SYNE2: variants seen among roughly 807,000 people sequenced by gnomAD.
The protein encoded by SYNE2 is nesprin-2.
SYNE2 carries 431 observed loss-of-function variants against 856.3 expected under a neutral mutation model. The ratio of observed to expected loss-of-function variants is 0.50; its 90% CI spans 0.47 to 0.55. The LOEUF (loss-of-function observed/expected upper bound fraction) is 0.55, where lower values mean the gene tolerates loss of function less well. SYNE2 is among the 20% of genes least tolerant of loss of function. SYNE2 has a pLI of 0.00. For missense variants in SYNE2, 8,129 were observed against 8,023.2 expected (o/e 1.01, Z -0.50); for synonymous variants, 2,923 against 2,872.3 (o/e 1.02, Z -0.56).
intron 19 of SYNE2, among the ~76,000 whole-genome samples, chr14:63,989,118 T>G (rs2096647926): frequency 6.6e-6 from 1 of 152,252 alleles, no homozygotes; most frequent in Non-Finnish European, 1.5e-5. Flanking sequence ...TCTTAGATTT[T>G]CAAAATTTTC....
intron 69 of SYNE2, 41 bp from the exon 70 acceptor site, chr14:64,122,245 A>C (rs773973735): frequency 6.2e-7 from 1 of 1,614,184 alleles, no homozygotes; most frequent in East Asian, 2.2e-5. Context: ...CAAAATGTTT[A>C]GTGTTGATTA....
At chr14:64,193,270 C>T (rs1419790456) in intron 99 of SYNE2, among the ~76,000 whole-genome samples, 1 of 152,180 alleles carries the variant, frequency 6.6e-6, no homozygotes, top group East Asian at 1.9e-4. Context: ...ATAAGATCGG[C>T]CAGGCATAGC....
chr14:64,144,434 TA>T, intron 83 of SYNE2, among the ~76,000 whole-genome samples: 1 of 152,246 alleles, frequency 6.6e-6, no homozygotes, highest in Non-Finnish European at 1.5e-5. Flanking sequence ...TTGGTGTGTT[TA>T]CTGTGTAGAG....
chr14:64,128,654 G>A, intron 74 of SYNE2, 101 bp downstream of exon 74: 1 of 763,576 alleles, frequency 1.3e-6, no homozygotes, highest in South Asian at 1.4e-5. Flanking sequence ...GCAGCAGCAA[G>A]GCTTAAGTAA....
chr14:64,017,610 G>A lies in SYNE2; in HGVS notation c.4903G>A (p.Glu1635Lys). 1 of 1,612,226 alleles carries A rather than the reference G, an allele frequency of 6.2e-7. No individual in the cohort carries two copies. Among genetic ancestry groups the A allele is most frequent in the Non-Finnish European group, 8.5e-7 (1 of 1,178,886 alleles). Reference sequence around the variant, plus strand: ...ATTATGGTAGATAAATGAGAAGACAGAAGATTACTATGAAAATCTTGGTCG... The same window carrying A: ...ATTATGGTAGATAAATGAGAAGACAAAAGATTACTATGAAAATCTTGGTCG... ...DRWLDINEKT[E>K]DYYENLGRAL... The change falls in exon 34 of 116, where the codon GAA becomes AAA. Residue 1635 changes from glutamate (E) to lysine (K), a missense_variant. Physicochemically the swap from Glu to Lys is moderately conservative, Grantham distance 56. This residue lies in a region of SYNE2 where 2,422 missense variants were observed against 2,357.4 expected (regional missense o/e 1.03). Transcript: ENST00000555002.
At chr14:64,206,450 C>G (rs976536657) in intron 100 of SYNE2, among the ~76,000 whole-genome samples, 5 of 151,396 alleles carry the variant, frequency 3.3e-5, no homozygotes, top group Non-Finnish European at 5.9e-5. Flanking sequence ...TAGTCTATCA[C>G]TTTATTTATT....
At chr14:64,082,003 G>A (rs751178163) in intron 57 of SYNE2, among the ~76,000 whole-genome samples, 23 of 151,800 alleles carry the variant, frequency 1.5e-4, no homozygotes, top group Non-Finnish European at 2.2e-4. Context: ...GGAGAATGGC[G>A]TGAACCCAGG....
chr14:64,033,036 C>T (rs2097053830), intron 45 of SYNE2, among the ~76,000 whole-genome samples: 1 of 151,962 alleles, frequency 6.6e-6, no homozygotes, highest in African/African-American at 2.4e-5. Flanking sequence ...GGCATGGTGG[C>T]TTGTGCCTGT....
chr14:64,214,007 C>T, intron 105 of SYNE2, 187 bp from the exon 106 acceptor site: 1 of 784,358 alleles, frequency 1.3e-6, no homozygotes. Context: ...ATTTTAGGCC[C>T]CACTCCAGAT....
intron 99 of SYNE2, among the ~76,000 whole-genome samples, chr14:64,199,213 C>T (rs1168666437): frequency 1.3e-5 from 2 of 152,196 alleles, no homozygotes; most frequent in African/African-American, 4.8e-5. Context: ...TGTTCTCTGA[C>T]TGCAGCAAAA....
chr14:64,045,956 AT>A (rs1266114198), intron 45 of SYNE2, among the ~76,000 whole-genome samples: 1 of 152,224 alleles, frequency 6.6e-6, no homozygotes, highest in African/African-American at 2.4e-5. Flanking sequence ...TCTAGACAGT[AT>A]TTTTAAGACA....
At chr14:63,973,949 A>T (rs2096505118) in intron 11 of SYNE2, among the ~76,000 whole-genome samples, 1 of 152,098 alleles carries the variant, frequency 6.6e-6, no homozygotes, top group Admixed American at 6.5e-5. Flanking sequence ...AAAAAACAAT[A>T]GAACTCAACT....
At chr14:63,883,866 T>C (rs1290140044) in intron 1 of SYNE2, among the ~76,000 whole-genome samples, 1 of 151,360 alleles carries the variant, frequency 6.6e-6, no homozygotes, top group Non-Finnish European at 1.5e-5. Context: ...TGGTGAATTT[T>C]TTTTTTTTTT....
intron 100 of SYNE2, among the ~76,000 whole-genome samples, chr14:64,205,766 C>G (rs1381646141): frequency 6.6e-6 from 1 of 152,108 alleles, no homozygotes. Flanking sequence ...ACACTTAAAT[C>G]ACGAACCACT....
Position 63,925,989 on chromosome 14 carries a change from G to A in SYNE2, c.80-14625G>A, listed in dbSNP as rs540824849. 4.6e-5 allele frequency among the ~76,000 whole-genome samples: 7 copies of A among 151,990 alleles called. No individual in the cohort carries two copies. The South Asian group carries it at 1.0e-3, about 23-fold the overall frequency. On this transcript the variant is annotated intron_variant, in intron 2 of 115. Coordinates refer to ENST00000555002, the MANE Select transcript of SYNE2 (RefSeq NM_182914.3). ...CCACCTCAGCCCCCCAAACAGGTGCGCGCCATGACACCTGGCTAATTTTTC... is the reference window on the plus strand; with the variant it reads ...CCACCTCAGCCCCCCAAACAGGTGCACGCCATGACACCTGGCTAATTTTTC...
chr14:63,840,472 T>G (rs1890026184), intron 1 of SYNE2, among the ~76,000 whole-genome samples: 1 of 141,126 alleles, frequency 7.1e-6, no homozygotes, highest in South Asian at 2.6e-4. Context: ...CCTCCTTCCT[T>G]CCTTTTCCCT....
chr14:63,778,148 C>T (rs911519203), intron 1 of SYNE2, among the ~76,000 whole-genome samples: 3 of 152,092 alleles, frequency 2.0e-5, no homozygotes, highest in East Asian at 1.9e-4. Flanking sequence ...GGCATTTCCC[C>T]GCATCCTGTT....
intron 50 of SYNE2, among the ~76,000 whole-genome samples, chr14:64,063,509 A>G (rs929386181): frequency 3.9e-5 from 6 of 152,230 alleles, no homozygotes; most frequent in African/African-American, 1.4e-4. Flanking sequence ...TTTGAGGGAT[A>G]CTGCTGGATC....
At chr14:64,219,108 T>TTTTG (rs2098681423) in intron 109 of SYNE2, 100 bp from the exon 110 acceptor site, 2 of 800,960 alleles carry the variant, frequency 2.5e-6, no homozygotes, top group African/African-American at 3.7e-5. Context: ...TTTTTTGTTT[T>TTTTG]TTTTTTTTTT....
Sources: allele counts gnomAD v4.1 joint callset (sites outside exome capture counted in the v4.1 genomes callset), GRCh38; gene constraint gnomAD v4.1.1; regional missense constraint gnomAD v4.1.1; transcripts MANE v1.5; gene names NCBI Gene and HGNC (gene_info 2026-07-23, HGNC 2026-07-21).